ZNF841: variants seen among roughly 807,000 people sequenced by gnomAD.
ZNF841 encodes zinc finger protein 841.
Under a neutral mutation model 13.0 loss-of-function variants are expected in ZNF841, and 11 were observed. That is an observed-to-expected ratio of 0.85 (90% CI 0.53 to 1.40). ZNF841 has a LOEUF of 1.40. ZNF841 is among the 40% of genes most tolerant of loss of function. The pLI is 0.00. For missense variants in ZNF841, 1,068 were observed against 1,139.5 expected, an observed-to-expected ratio of 0.94 and a Z score of 0.90; for synonymous variants, 369 against 381.6, an observed-to-expected ratio of 0.97 and a Z score of 0.38.
intron 6 of ZNF841, among the ~76,000 whole-genome samples, 196 bp downstream of exon 6, chr19:52,075,848 T>C (rs1438270550): frequency 1.3e-5 from 2 of 152,204 alleles, no homozygotes; most frequent in Non-Finnish European, 2.9e-5. Context: ...TTTGCTCTGT[T>C]TGAGCTGCAG....
chr19:52,076,775 A>G, intron 5 of ZNF841, 183 bp downstream of exon 5: 1 of 615,828 alleles, frequency 1.6e-6, no homozygotes, highest in South Asian at 1.9e-5. Flanking sequence ...CAAAGAAGGA[A>G]GCAGAATATC....
intron 1 of ZNF841, among the ~76,000 whole-genome samples, chr19:52,094,654 C>G (rs2088612541): frequency 6.6e-6 from 1 of 151,938 alleles, no homozygotes; most frequent in Non-Finnish European, 1.5e-5. Context: ...ATTTCCTAGG[C>G]TTACTCCCTG....
Position 52,087,589 on chromosome 19 carries a change from C to A in ZNF841, c.-78+1348G>T, listed in dbSNP as rs966168632. Among the ~76,000 whole-genome samples, 5 of 152,064 alleles carry A rather than the reference C, an allele frequency of 3.3e-5. 1 individual carries two copies. The South Asian group carries it at 8.3e-4, about 25-fold the overall frequency. ...AGGCTGTTGTTTTGGACTAGCCTCCCGAACTACCAGACCAAGCCAGAATGA... is the reference window on the plus strand; with the variant it reads ...AGGCTGTTGTTTTGGACTAGCCTCCAGAACTACCAGACCAAGCCAGAATGA... On this transcript the variant is annotated intron_variant, in intron 3 of 6. Coordinates refer to ENST00000594440, the MANE Select transcript of ZNF841 (RefSeq NM_001136499.2).
At chr19:52,078,883 T>C (rs1026391870) in intron 4 of ZNF841, among the ~76,000 whole-genome samples, 1 of 152,142 alleles carries the variant, frequency 6.6e-6, no homozygotes, top group Non-Finnish European at 1.5e-5. Context: ...GAAATGATGA[T>C]GTTGTAAATA....
the ZNF841 span, chr19:52,058,904 C>G: frequency 6.6e-6 from 1 of 152,594 alleles, no homozygotes; most frequent in African/African-American, 2.4e-5. Flanking sequence ...GTGACAGAGA[C>G]TCTGTCTCAA....
intron 3 of ZNF841, among the ~76,000 whole-genome samples, chr19:52,088,593 T>A: frequency 6.6e-6 from 1 of 152,304 alleles, no homozygotes; most frequent in Middle Eastern, 3.4e-3. Flanking sequence ...AGACGCAGTA[T>A]TCAATCATAA....
intron 2 of ZNF841, among the ~76,000 whole-genome samples, chr19:52,090,446 C>A (rs979678532): frequency 5.3e-5 from 8 of 151,550 alleles, no homozygotes; most frequent in South Asian, 2.1e-4. Flanking sequence ...GTAGTCTTAG[C>A]CCTTCACCCA....
chr19:52,082,284 T>C (rs376738053), intron 4 of ZNF841, among the ~76,000 whole-genome samples: 55 of 152,242 alleles, frequency 3.6e-4, no homozygotes, highest in African/African-American at 1.3e-3. Flanking sequence ...TTTAATAAAA[T>C]GTGACTGTTG....
chr19:52,093,976 G>A lies in ZNF841; in HGVS notation c.-269-5C>T, dbSNP rs990777330. The stretch of plus-strand genomic sequence containing the variant: ...ATCATGCCACTGCTCTCCAGCCTAG[G>A]CGGCAGAGAGAGACCATGTCCCCCC... On this transcript the variant is annotated splice_polypyrimidine_tract_variant and splice_region_variant and intron_variant, in intron 1 of 6. Transcript: ENST00000594440. The A allele has an allele frequency of 7.2e-5, 11 of 152,026 alleles. No individual in the cohort carries two copies. The highest frequency in any genetic ancestry group is 2.7e-4 in the African/African-American group (11 of 41,316). 9.4% of individuals were successfully genotyped at this position (152,026 alleles called of 1,614,324 possible).
At chr19:52,074,711 T>C (rs2123273469) in intron 6 of ZNF841, among the ~76,000 whole-genome samples, 1 of 152,192 alleles carries the variant, frequency 6.6e-6, no homozygotes, top group South Asian at 2.1e-4. Flanking sequence ...GAGACGGGGT[T>C]TCACCAAGTT....
chr19:52,060,294 C>G (rs2123182064), downstream of ZNF841, among the ~76,000 whole-genome samples: 1 of 152,282 alleles, frequency 6.6e-6, no homozygotes, highest in East Asian at 1.9e-4. Flanking sequence ...TTCTTTTTCT[C>G]CTTTCCCCTT....
chr19:52,076,764 A>G, intron 5 of ZNF841, 194 bp downstream of exon 5: 1 of 564,566 alleles, frequency 1.8e-6, no homozygotes, highest in Non-Finnish European at 3.0e-6. Context: ...CCACTAATGT[A>G]CAAAGAAGGA....
At chr19:52,064,324 G>A (rs968787745), downstream of ZNF841, 1 of 120,084 alleles carries the variant, frequency 8.3e-6, no homozygotes, top group Non-Finnish European at 1.6e-5. Context: ...CCGCAGTCCC[G>A]CCTGGGCGAC....
chr19:52,095,451 A>C (rs1275422960), intron 1 of ZNF841, 124 bp downstream of exon 1: 1 of 152,220 alleles, frequency 6.6e-6, no homozygotes, highest in African/African-American at 2.4e-5. Flanking sequence ...GCCCAAGCAG[A>C]GGGTTTTAAG....
At position 52,095,708 on chromosome 19, in the gene ZNF841, G is replaced by C. The variant is rs547144305; in HGVS notation, c.-403C>G. On this transcript the variant is annotated 5_prime_UTR_variant, in exon 1 of 7. Transcript: ENST00000594440. The stretch of plus-strand genomic sequence containing the variant: ...GAGAAGCAAACGTTTAATCCAGGTA[G>C]ACTGAAACACACTCATAGCGACGTG... 1 of 152,408 alleles carries C rather than the reference G, an allele frequency of 6.6e-6. No homozygotes were observed. Among genetic ancestry groups the C allele is most frequent in the African/African-American group, 2.4e-5 (1 of 41,572 alleles). The allele number at this position is 152,408 out of a possible 1,614,324, so 9.4% of individuals were successfully genotyped here. A position where few individuals can be genotyped will look rare whatever the true frequency, so the allele number is the denominator to read the frequency against.
intron 2 of ZNF841, among the ~76,000 whole-genome samples, chr19:52,093,061 A>G (rs1444053601): frequency 6.6e-6 from 1 of 152,178 alleles, no homozygotes; most frequent in Non-Finnish European, 1.5e-5. Context: ...GGTTGTAGTG[A>G]GCTGAGATTG....
intron 6 of ZNF841, among the ~76,000 whole-genome samples, chr19:52,069,567 C>T (rs2087683975): frequency 6.6e-6 from 1 of 152,054 alleles, no homozygotes; most frequent in African/African-American, 2.4e-5. Flanking sequence ...ATGTTAAGGC[C>T]CCATCCTCAA....
In ZNF841 at chr19:52,067,215, G is replaced by A; in HGVS notation, c.667C>T (p.Leu223Phe). ...TGGACACCAGGAAAAATTCTTTGAA[G>A]TGGTGAAGCTAAAAAACAATTATTA... ...TVNNCFLASP[L>F]QRIFPGVQTN... Residue 223 changes from leucine to phenylalanine, a missense_variant, in exon 7 of 7, where the codon CTT becomes TTT. By Grantham distance (22) the Leu-to-Phe change is conservative. Coordinates refer to ENST00000594440, the MANE Select transcript of ZNF841 (RefSeq NM_001136499.2). 6.5e-7 allele frequency: 1 copy of A among 1,549,784 alleles called. No individual in the cohort carries two copies. The highest frequency in any genetic ancestry group is 1.2e-5 in the South Asian group (1 of 83,474).
At position 52,090,968 on chromosome 19, in the gene ZNF841, A is replaced by G. The variant is rs139481671; in HGVS notation, c.-143-1966T>C. On this transcript the variant is annotated intron_variant, in intron 2 of 6. Coordinates refer to ENST00000594440, the MANE Select transcript of ZNF841 (RefSeq NM_001136499.2). ...GAATGCAGTCGTGCAAGCCTGCACC[A>G]AGTCAAGCAGCTGACTGACAACCAC... Among the ~76,000 whole-genome samples the G allele has an allele frequency of 1.8e-3, 281 of 152,296 alleles. 1 individual carries two copies. The highest frequency in any genetic ancestry group is 6.3e-3 in the African/African-American group (261 of 41,570).
Sources: gnomAD v4.1 joint callset for allele counts (sites outside exome capture counted in the v4.1 genomes callset) on GRCh38, gnomAD v4.1.1 for gene constraint, MANE v1.5 for transcripts, NCBI Gene and HGNC (gene_info 2026-07-23, HGNC 2026-07-21) for gene names.